Variants in MROH9 observed in about 807,000 individuals in gnomAD.
MROH9 encodes the protein maestro heat like repeat family member 9, also known as maestro heat-like repeat-containing protein family member 9.
Under a neutral mutation model 98.2 loss-of-function variants are expected in MROH9, and 92 were observed. The ratio of observed to expected loss-of-function variants is 0.94; its 90% CI spans 0.79 to 1.11. The LOEUF (loss-of-function observed/expected upper bound fraction) is 1.11. Ranked by LOEUF, MROH9 falls within the 50% of genes most tolerant of loss-of-function variation. The pLI is 0.00. For missense variants in MROH9, 1,057 were observed against 1,014.8 expected, an observed-to-expected ratio of 1.04 and a Z score of -0.57; for synonymous variants, 397 against 368.9, an observed-to-expected ratio of 1.08 and a Z score of -0.87.
chr1:171,025,218 C>T lies in MROH9; in HGVS notation c.2179-100C>T, dbSNP rs980459470. On this transcript the variant is annotated intron_variant, in intron 19 of 21. Transcript: ENST00000367759. Reference sequence around the variant, plus strand: ...GTTCACACAAAAGCATCCCCAATTTCTAATTTGGTCCTGATTTGGTATGTT... The same window carrying T: ...GTTCACACAAAAGCATCCCCAATTTTTAATTTGGTCCTGATTTGGTATGTT... 16 of 672,354 alleles carry T rather than the reference C, an allele frequency of 2.4e-5. No individual in the cohort carries two copies. In the African/African-American group the frequency reaches 2.9e-4, roughly 12 times the overall value. The allele number at this position is 672,354 out of a possible 1,614,324, so 41.6% of individuals were successfully genotyped here.
rs2101880604 is a variant in MROH9 at position 171,064,370 on chromosome 1, T to C, written c.*30T>C. 2.0e-6 allele frequency: 3 copies of C among 1,500,524 alleles called. No homozygotes were observed. Among genetic ancestry groups the C allele is most frequent in the Non-Finnish European group, 2.7e-6 (3 of 1,128,540 alleles). The allele number at this position is 1,500,524 out of a possible 1,614,324, so 93.0% of individuals were successfully genotyped here. The stretch of plus-strand genomic sequence containing the variant: ...GAATGATGATGACATTCATCATTCA[T>C]AAACAATGGGAAGTCCAACAATGTC... On this transcript the variant is annotated 3_prime_UTR_variant, in exon 22 of 22. Coordinates refer to ENST00000367759, the MANE Select transcript of MROH9 (RefSeq NM_001163629.2).
intron 4 of MROH9, 64 bp from the exon 5 acceptor site, chr1:170,959,398 A>T: frequency 1.4e-6 from 2 of 1,383,478 alleles, no homozygotes; most frequent in Non-Finnish European, 9.8e-7. Flanking sequence ...AAATAAATAA[A>T]GCCCACTAAA....
chr1:171,017,237 A>T (rs1183118830), intron 17 of MROH9, among the ~76,000 whole-genome samples: 4 of 152,228 alleles, frequency 2.6e-5, no homozygotes, highest in African/African-American at 9.6e-5. Context: ...TGCACTGGCA[A>T]CTGAGGTATC....
chr1:170,960,271 A>G (rs6658534), intron 5 of MROH9, among the ~76,000 whole-genome samples: 12,132 of 152,186 alleles, frequency 0.08, 614 homozygotes, highest in Non-Finnish European at 0.11. Context: ...TTATTTTCCA[A>G]CTGGACTTCT....
intron 17 of MROH9, among the ~76,000 whole-genome samples, chr1:171,022,562 C>T (rs1652554498): frequency 6.6e-6 from 1 of 151,962 alleles, no homozygotes; most frequent in South Asian, 2.1e-4. Flanking sequence ...AACACATGGA[C>T]ACAAGGAGGG....
chr1:170,976,209 G>A (rs546029512), intron 8 of MROH9, among the ~76,000 whole-genome samples: 3 of 152,148 alleles, frequency 2.0e-5, no homozygotes, highest in Non-Finnish European at 2.9e-5. Flanking sequence ...GATTAATTAC[G>A]CAGACTTGTT....
intron 13 of MROH9, 62 bp from the exon 14 acceptor site, chr1:170,996,445 G>A: frequency 6.3e-7 from 1 of 1,576,490 alleles, no homozygotes; most frequent in East Asian, 2.3e-5. Context: ...GGCAGGTAAT[G>A]TGTATTTAGT....
chr1:170,935,982 CAAAAAAAAAAAAAA>C (rs59883013), intron 1 of MROH9, among the ~76,000 whole-genome samples: 2 of 62,264 alleles, frequency 3.2e-5, no homozygotes, highest in Non-Finnish European at 6.2e-5. Context: ...CAGAGTGAGA[CAAAAAAAAAAAAAA>C]AAAAAAAAAA....
chr1:170,960,605 A>T (rs1432968254), intron 5 of MROH9, among the ~76,000 whole-genome samples: 4 of 152,082 alleles, frequency 2.6e-5, no homozygotes, highest in Non-Finnish European at 4.4e-5. Flanking sequence ...TTACATATAA[A>T]ATGTATTCAA....
chr1:171,040,716 G>T (rs1181793245), intron 20 of MROH9, among the ~76,000 whole-genome samples: 1 of 152,038 alleles, frequency 6.6e-6, no homozygotes, highest in Non-Finnish European at 1.5e-5. Context: ...CACAAAATGG[G>T]TGTGAGTAGT....
At position 171,014,180 on chromosome 1, in the gene MROH9, A is replaced by G. The variant is rs1652253147; in HGVS notation, c.1660A>G (p.Ile554Val). 6.4e-7 allele frequency: 1 copy of G among 1,551,036 alleles called. No individual in the cohort carries two copies. Among genetic ancestry groups the G allele is most frequent in the Non-Finnish European group, 8.7e-7 (1 of 1,146,666 alleles). Reference sequence around the variant, plus strand: ...ATTTTTGGTCCTCTTCATAAACTGGATCAATGATTCCAATCCTGTAGTTAG... The same window carrying G: ...ATTTTTGGTCCTCTTCATAAACTGGGTCAATGATTCCAATCCTGTAGTTAG... The part of the protein sequence containing the change: ...EEFLVLFINW[I>V]NDSNPVVSRL... Residue 554 changes from isoleucine (I) to valine (V), a missense_variant, in exon 16 of 22, where the codon ATC (isoleucine) becomes GTC (valine). Physicochemically the swap from Ile to Val is conservative, Grantham distance 29 (BLOSUM62 3). Coordinates refer to ENST00000367759, the MANE Select transcript of MROH9 (RefSeq NM_001163629.2).
intron 20 of MROH9, among the ~76,000 whole-genome samples, chr1:171,052,610 G>A (rs1051195465): frequency 1.2e-4 from 18 of 152,170 alleles, no homozygotes; most frequent in African/African-American, 4.1e-4. Flanking sequence ...CCAGGCAAGC[G>A]AGTGCATAAA....
chr1:171,026,489 G>A (rs1396844916), intron 20 of MROH9, among the ~76,000 whole-genome samples: 1 of 149,710 alleles, frequency 6.7e-6, no homozygotes, highest in African/African-American at 2.4e-5. Context: ...TGCCAGGCTG[G>A]TCTTGAACTC....
chr1:170,948,115 G>T (rs907013545), intron 3 of MROH9, among the ~76,000 whole-genome samples: 1 of 152,054 alleles, frequency 6.6e-6, no homozygotes, highest in South Asian at 2.1e-4. Flanking sequence ...GCAGTGTGTA[G>T]CACAGTATTG....
intron 7 of MROH9, among the ~76,000 whole-genome samples, chr1:170,970,557 G>A (rs16863887): frequency 0.036 from 5,552 of 152,128 alleles, 349 homozygotes; most frequent in African/African-American, 0.13. Context: ...GGAAAAGAAT[G>A]CAAGGAGAAT....
chr1:171,031,207 C>T (rs1271844065), intron 20 of MROH9, among the ~76,000 whole-genome samples: 1 of 152,108 alleles, frequency 6.6e-6, no homozygotes, highest in Non-Finnish European at 1.5e-5. Context: ...CTCCTGAATA[C>T]AGCACACCAA....
intron 9 of MROH9, among the ~76,000 whole-genome samples, chr1:170,985,262 G>A (rs1651086569): frequency 6.6e-6 from 1 of 152,160 alleles, no homozygotes; most frequent in African/African-American, 2.4e-5. Context: ...ATTTTTTAAA[G>A]TATATGCCAA....
At chr1:171,041,436 C>CACAT (rs1160876854) in intron 20 of MROH9, among the ~76,000 whole-genome samples, 3 of 141,432 alleles carry the variant, frequency 2.1e-5, no homozygotes, top group Non-Finnish European at 3.1e-5. Context: ...CACACACACA[C>CACAT]ATATATATGT....
At position 170,998,198 on chromosome 1, in the gene MROH9, G is replaced by A. The variant is rs766823063; in HGVS notation, c.1520G>A (p.Ser507Asn). 2.5e-6 allele frequency: 4 copies of A among 1,612,296 alleles called. No individual in the cohort carries two copies. In the African/African-American group the frequency reaches 4.0e-5, roughly 16 times the overall value. Residue 507 changes from serine (S) to asparagine (N), a missense_variant, in exon 15 of 22, where the codon AGT (serine) becomes AAT (asparagine). Ser to Asn is a conservative substitution (Grantham distance 46, BLOSUM62 1). Coordinates refer to ENST00000367759, the MANE Select transcript of MROH9 (RefSeq NM_001163629.2). ...YNFPQFPETLSYLYKLSVEGP... is the reference protein window; with the variant it reads ...YNFPQFPETLNYLYKLSVEGP... ...TTTCCACAGTTTCCGGAGACCCTGAGTTATCTCTATAAGCTCTCAGTAGAA... is the reference window on the plus strand; with the variant it reads ...TTTCCACAGTTTCCGGAGACCCTGAATTATCTCTATAAGCTCTCAGTAGAA...
Sources: allele counts gnomAD v4.1 joint callset (sites outside exome capture counted in the v4.1 genomes callset), GRCh38; gene constraint gnomAD v4.1.1; transcripts MANE v1.5; gene names NCBI Gene and HGNC (gene_info 2026-07-23, HGNC 2026-07-21).